Variants in RASGRF2 observed in about 807,000 individuals in gnomAD.
The protein encoded by RASGRF2 is ras-specific guanine nucleotide-releasing factor 2.
Under a neutral mutation model 151.0 loss-of-function variants are expected in RASGRF2, and 76 were observed. That is an observed-to-expected ratio of 0.50 (90% CI 0.42 to 0.61). The LOEUF (loss-of-function observed/expected upper bound fraction) is 0.61. RASGRF2 is among the 20% of genes least tolerant of loss of function. The probability of loss-of-function intolerance (pLI) is 0.00; values close to 1 mark genes in which losing one functional copy is unlikely to be tolerated. For missense variants in RASGRF2, 1,148 were observed against 1,564.6 expected (o/e 0.73, Z 4.49); for synonymous variants, 504 against 566.5 (o/e 0.89, Z 1.57).
At chr5:81,221,044 TGGAA>T (rs958697387) in intron 26 of RASGRF2, among the ~76,000 whole-genome samples, 12 of 152,162 alleles carry the variant, frequency 7.9e-5, no homozygotes, top group Non-Finnish European at 1.3e-4. Context: ...TATGGGTTAT[TGGAA>T]GGAAGACCCC....
chr5:81,223,483 T>C (rs1326054263), intron 26 of RASGRF2: 3 of 151,632 alleles, frequency 2.0e-5, no homozygotes, highest in Non-Finnish European at 4.4e-5. Context: ...CTACTAAAAA[T>C]ACAAAAAATT....
intron 1 of RASGRF2, among the ~76,000 whole-genome samples, chr5:81,031,468 T>A (rs1176925499): frequency 6.6e-6 from 1 of 152,152 alleles, no homozygotes; most frequent in Non-Finnish European, 1.5e-5. Context: ...CACAGTGCAC[T>A]CAAACAAGAA....
intron 9 of RASGRF2, among the ~76,000 whole-genome samples, chr5:81,090,873 T>G (rs926365961): frequency 6.6e-6 from 1 of 152,208 alleles, no homozygotes; most frequent in Non-Finnish European, 1.5e-5. Context: ...ACATTATTAT[T>G]GAGTTTTCAC....
intron 1 of RASGRF2, among the ~76,000 whole-genome samples, chr5:81,013,912 A>G (rs1459923006): frequency 6.6e-6 from 1 of 152,018 alleles, no homozygotes; most frequent in Non-Finnish European, 1.5e-5. Flanking sequence ...CAATGTTTTG[A>G]TTGGCTTTTC....
chr5:80,998,221 A>G (rs897643229), intron 1 of RASGRF2, among the ~76,000 whole-genome samples: 6 of 152,150 alleles, frequency 3.9e-5, no homozygotes, highest in Admixed American at 2.0e-4. Flanking sequence ...ATTGGTTACC[A>G]TCTTCCCAAT....
At chr5:80,993,072 T>C (rs982382357) in intron 1 of RASGRF2, among the ~76,000 whole-genome samples, 1 of 152,160 alleles carries the variant, frequency 6.6e-6, no homozygotes, top group African/African-American at 2.4e-5. Context: ...AATAGCATAG[T>C]GTTTTGTGGG....
Position 81,092,907 on chromosome 5 carries a change from A to C in RASGRF2, c.1497A>C (p.Thr499=), listed in dbSNP as rs753350732. Residue 499 remains threonine (T), a synonymous_variant, in exon 10 of 27, where the codon ACA becomes ACC. Transcript: ENST00000265080. ...KEGERQCFLF[T]KHFLICTRSS... Reference sequence around the variant, plus strand: ...GAGAGAGACAATGCTTCTTATTTACAAAACACTTTTTAATATGTACAAGAA... The same window carrying C: ...GAGAGAGACAATGCTTCTTATTTACCAAACACTTTTTAATATGTACAAGAA... The C allele has an allele frequency of 3.1e-6, 5 of 1,613,106 alleles. No individual in the cohort carries two copies. In the African/African-American group the frequency reaches 5.3e-5, roughly 17 times the overall value.
intron 16 of RASGRF2, among the ~76,000 whole-genome samples, chr5:81,126,087 T>G (rs1753445442): frequency 6.6e-6 from 1 of 152,244 alleles, no homozygotes; most frequent in Non-Finnish European, 1.5e-5. Flanking sequence ...TTGTGAAACA[T>G]TAGGGCCAAG....
intron 2 of RASGRF2, among the ~76,000 whole-genome samples, chr5:81,051,986 T>G (rs1427507358): frequency 6.6e-6 from 1 of 152,210 alleles, no homozygotes; most frequent in Non-Finnish European, 1.5e-5. Flanking sequence ...CAACACTTAT[T>G]TTCGTTGCTT....
At chr5:81,047,210 G>T (rs1371115429) in intron 2 of RASGRF2, among the ~76,000 whole-genome samples, 1 of 152,154 alleles carries the variant, frequency 6.6e-6, no homozygotes. Flanking sequence ...TATGATTATC[G>T]CTGGGAAAGG....
At chr5:81,079,907 T>C (rs1752038224) in intron 5 of RASGRF2, among the ~76,000 whole-genome samples, 1 of 152,200 alleles carries the variant, frequency 6.6e-6, no homozygotes. Context: ...TGGTGCTTTC[T>C]GTCCTCTAAT....
rs571352344 is a variant in RASGRF2 at position 81,101,355 on chromosome 5, T to C, written c.1755+6363T>C. On this transcript the variant is annotated intron_variant, in intron 12 of 26. Coordinates refer to ENST00000265080, the MANE Select transcript of RASGRF2 (RefSeq NM_006909.3). The stretch of plus-strand genomic sequence containing the variant: ...TATACCAATTCTATTATAGTTTAAC[T>C]TTTTTTTTTAGAACAGAACTCTTTC... Among the ~76,000 whole-genome samples, 7 of 141,900 alleles carry C rather than the reference T, an allele frequency of 4.9e-5. No individual in the cohort carries two copies. In the South Asian group the frequency reaches 1.6e-3, roughly 33 times the overall value. 93.1% of individuals were successfully genotyped at this position (141,900 alleles called of 152,430 possible).
intron 15 of RASGRF2, among the ~76,000 whole-genome samples, chr5:81,120,221 A>T (rs975997580): frequency 5.3e-5 from 8 of 151,802 alleles, no homozygotes; most frequent in African/African-American, 1.9e-4. Context: ...TTTATTTCCC[A>T]TCTTATACTT....
At chr5:80,964,743 GACCATTACATGTTCAAAGAAAA>G (rs1747670982) in intron 1 of RASGRF2, among the ~76,000 whole-genome samples, 1 of 152,088 alleles carries the variant, frequency 6.6e-6, no homozygotes, top group African/African-American at 2.4e-5. Context: ...TACGATTGCA[GACCATTACATGTTCAAAGAAAA>G]ACGGGATTTA....
intron 24 of RASGRF2, among the ~76,000 whole-genome samples, chr5:81,216,274 G>A (rs1400195674): frequency 6.6e-6 from 1 of 151,838 alleles, no homozygotes; most frequent in African/African-American, 2.4e-5. Flanking sequence ...ATTATTTCCT[G>A]TGAGTTTTAT....
chr5:81,150,432 T>G (rs1168932105), intron 17 of RASGRF2, among the ~76,000 whole-genome samples: 1 of 152,170 alleles, frequency 6.6e-6, no homozygotes, highest in Non-Finnish European at 1.5e-5. Context: ...AATGAATATT[T>G]TCTGCTGTTA....
chr5:81,049,738 A>G (rs115828218), intron 2 of RASGRF2, among the ~76,000 whole-genome samples: 4,173 of 152,278 alleles, frequency 0.027, 67 homozygotes, highest in Non-Finnish European at 0.042. Context: ...AAATCTGAGT[A>G]TTGGAGAGAT....
chr5:80,969,532 T>C (rs1430896671), intron 1 of RASGRF2, among the ~76,000 whole-genome samples: 2 of 151,268 alleles, frequency 1.3e-5, no homozygotes, highest in Non-Finnish European at 2.9e-5. Flanking sequence ...CACTGCAAGC[T>C]CCGCCTCCAG....
In RASGRF2 at chr5:81,211,977, G is replaced by A. The variant is rs116339320; in HGVS notation, c.3157-389G>A. 5.3e-3 allele frequency among the ~76,000 whole-genome samples: 804 copies of A among 152,262 alleles called. 6 individuals carry two copies. The highest frequency in any genetic ancestry group is 0.018 in the African/African-American group (750 of 41,542). ...AGTGAGTAATCACACACTGTTGGGG[G>A]CCAAGGAGTAAAGGGAAAGGCCCCA... On this transcript the variant is annotated intron_variant, in intron 22 of 26. Transcript: ENST00000265080.
Sources: gnomAD v4.1 joint callset for allele counts (sites outside exome capture counted in the v4.1 genomes callset) on GRCh38, gnomAD v4.1.1 for gene constraint, MANE v1.5 for transcripts, NCBI Gene and HGNC (gene_info 2026-07-23, HGNC 2026-07-21) for gene names.